Variants in EIF2AK2 observed in about 807,000 individuals in gnomAD.
The protein encoded by EIF2AK2 is interferon-induced, double-stranded RNA-activated protein kinase.
In EIF2AK2, 40 loss-of-function variants were observed where a neutral mutation model predicts 70.5. The observed-to-expected ratio is 0.57, with a 90% confidence interval of 0.44 to 0.74. The LOEUF (loss-of-function observed/expected upper bound fraction) is 0.74, where lower values mean the gene tolerates loss of function less well. EIF2AK2 is among the 30% of genes least tolerant of loss of function. The pLI, the probability that EIF2AK2 is intolerant of heterozygous loss-of-function variation, is 0.00. For missense variants in EIF2AK2, 555 were observed against 644.3 expected, an observed-to-expected ratio of 0.86 and a Z score of 1.50; for synonymous variants, 198 against 220.9, an observed-to-expected ratio of 0.90 and a Z score of 0.92.
At chr2:37,137,349 A>G (rs4648193) in intron 8 of EIF2AK2, among the ~76,000 whole-genome samples, 1 of 152,058 alleles carries the variant, frequency 6.6e-6, no homozygotes, top group African/African-American at 2.4e-5. Context: ...GCTGCTTGCC[A>G]TTTTCTTATT....
At chr2:37,119,252 C>T (rs922027613) in intron 13 of EIF2AK2, among the ~76,000 whole-genome samples, 2 of 152,146 alleles carry the variant, frequency 1.3e-5, no homozygotes, top group East Asian at 1.9e-4. Flanking sequence ...TTTCCCAGTC[C>T]GGGATTACCG....
chr2:37,120,508 CA>C (rs1355178517), intron 12 of EIF2AK2, among the ~76,000 whole-genome samples: 1 of 6,924 alleles, frequency 1.4e-4, no homozygotes, highest in Admixed American at 1.5e-3. Flanking sequence ...TTCCGTCTCA[CA>C]AAAAAAAAAA....
intron 12 of EIF2AK2, among the ~76,000 whole-genome samples, chr2:37,122,007 G>C (rs1415655096): frequency 6.6e-6 from 1 of 152,128 alleles, no homozygotes; most frequent in Non-Finnish European, 1.5e-5. Flanking sequence ...TCAGCTTGTG[G>C]TCTTAAAAAT....
At chr2:37,130,532 C>T (rs774556300) in intron 10 of EIF2AK2, among the ~76,000 whole-genome samples, 1 of 152,240 alleles carries the variant, frequency 6.6e-6, no homozygotes, top group Non-Finnish European at 1.5e-5. Context: ...TCTGTTTGTC[C>T]TGTTGTCCCA....
At chr2:37,139,861 C>T in intron 5 of EIF2AK2, 104 bp from the exon 6 acceptor site, 1 of 1,165,456 alleles carries the variant, frequency 8.6e-7, no homozygotes, top group South Asian at 1.6e-5. Flanking sequence ...TAAGATAACA[C>T]CAATTTATTA....
In EIF2AK2 at chr2:37,141,717, AT is replaced by A; in HGVS notation, c.241-17del. On this transcript the variant is annotated splice_polypyrimidine_tract_variant and intron_variant, in intron 4 of 16. Coordinates refer to ENST00000233057, the MANE Select transcript of EIF2AK2 (RefSeq NM_001135651.3). ...GACTAACTGCCTACAAAGAAAAAAA[AT>A]TCCTGTTTAATATAAATGACAACAA... 2 of 1,589,510 alleles carry A rather than the reference AT, an allele frequency of 1.3e-6. No individual in the cohort carries two copies. The highest frequency in any genetic ancestry group is 1.7e-6 in the Non-Finnish European group (2 of 1,171,372).
chr2:37,103,003 CTGTGTGTGTG>C lies in EIF2AK2; in HGVS notation c.*4260_*4269del. Reference sequence around the variant, plus strand: ...TATATTAAAATGGCTCTCAAAATTTCTGTGTGTGTGTGTGTGTGTGTGCATTTTAATTAGC... The same window carrying C: ...TATATTAAAATGGCTCTCAAAATTTCTGTGTGTGTGTGCATTTTAATTAGC... On this transcript the variant is annotated 3_prime_UTR_variant, in exon 17 of 17. Coordinates refer to ENST00000233057, the MANE Select transcript of EIF2AK2 (RefSeq NM_001135651.3). 6.7e-6 allele frequency: 1 copy of C among 149,052 alleles called. No individual in the cohort carries two copies. Among genetic ancestry groups the C allele is most frequent in the East Asian group, 2.0e-4 (1 of 5,040 alleles). The allele number at this position is 149,052 out of a possible 1,614,324, so 9.2% of individuals were successfully genotyped here.
At chr2:37,127,640 C>A (rs1457337270) in intron 10 of EIF2AK2, among the ~76,000 whole-genome samples, 1 of 152,124 alleles carries the variant, frequency 6.6e-6, no homozygotes, top group Non-Finnish European at 1.5e-5. Context: ...TCAGGCCTCC[C>A]CACAACTGTG....
At chr2:37,138,962 A>ATTTTT (rs536992086) in intron 6 of EIF2AK2, among the ~76,000 whole-genome samples, 1 of 140,804 alleles carries the variant, frequency 7.1e-6, no homozygotes, top group Admixed American at 7.1e-5. Flanking sequence ...CACCCGTCTA[A>ATTTTT]TTTTTTTTTT....
At chr2:37,107,639 A>G in intron 15 of EIF2AK2, 112 bp from the exon 16 acceptor site, 1 of 1,237,000 alleles carries the variant, frequency 8.1e-7, no homozygotes, top group South Asian at 1.4e-5. Context: ...TTTTTTGGGA[A>G]AGTCTCTTTA....
chr2:37,134,346 G>A (rs1675050475), intron 10 of EIF2AK2, among the ~76,000 whole-genome samples: 1 of 152,186 alleles, frequency 6.6e-6, no homozygotes, highest in East Asian at 1.9e-4. Flanking sequence ...GCCTCTGAGG[G>A]AAATTTCCGT....
At chr2:37,152,700 T>A (rs950091219) in intron 1 of EIF2AK2, among the ~76,000 whole-genome samples, 1 of 152,246 alleles carries the variant, frequency 6.6e-6, no homozygotes, top group East Asian at 1.9e-4. Flanking sequence ...GTCCATGATT[T>A]CAGTGATCAT....
At chr2:37,120,512 AAAAAAAAAAAAAAG>A (rs1195141825) in intron 12 of EIF2AK2, among the ~76,000 whole-genome samples, 2 of 96,406 alleles carry the variant, frequency 2.1e-5, no homozygotes, top group Admixed American at 1.1e-4. Context: ...GTCTCACAAA[AAAAAAAAAAAAAAG>A]AAAAAAAAAG....
In EIF2AK2 at chr2:37,114,701, A is replaced by G. The variant is rs749440673; in HGVS notation, c.1377+30T>C. The G allele has an allele frequency of 2.7e-6, 4 of 1,499,588 alleles. No individual in the cohort carries two copies. In the Admixed American group the frequency reaches 9.7e-5, roughly 36 times the overall value. 92.9% of individuals were successfully genotyped at this position (1,499,588 alleles called of 1,614,324 possible). A position where few individuals can be genotyped will look rare whatever the true frequency, so the allele number is the denominator to read the frequency against. ...TATAATTTTCAAAATAAAAGAAGTAAAATATAGACAGACAGGAAAGAGACC... is the reference window on the plus strand; with the variant it reads ...TATAATTTTCAAAATAAAAGAAGTAGAATATAGACAGACAGGAAAGAGACC... On this transcript the variant is annotated intron_variant, in intron 14 of 16. Coordinates refer to ENST00000233057, the MANE Select transcript of EIF2AK2 (RefSeq NM_001135651.3).
intron 14 of EIF2AK2, among the ~76,000 whole-genome samples, chr2:37,111,462 C>T (rs1293663431): frequency 2.0e-5 from 3 of 148,570 alleles, no homozygotes; most frequent in South Asian, 2.1e-4. Flanking sequence ...TGCAATGGCG[C>T]GATCTCAGCT....
intron 10 of EIF2AK2, among the ~76,000 whole-genome samples, chr2:37,129,740 A>T (rs976455909): frequency 2.6e-5 from 4 of 152,062 alleles, no homozygotes; most frequent in Admixed American, 1.3e-4. Context: ...AGTCACCCTC[A>T]CTCACTCTTT....
intron 14 of EIF2AK2, among the ~76,000 whole-genome samples, chr2:37,114,450 C>A (rs1487670007): frequency 6.6e-6 from 1 of 151,914 alleles, no homozygotes; most frequent in East Asian, 1.9e-4. Flanking sequence ...GCTATATAGT[C>A]ACAAAATAAC....
intron 10 of EIF2AK2, among the ~76,000 whole-genome samples, 164 bp downstream of exon 10, chr2:37,135,320 G>C (rs1025838472): frequency 6.6e-6 from 1 of 152,090 alleles, no homozygotes; most frequent in Non-Finnish European, 1.5e-5. Context: ...CCATTCCTGG[G>C]CCCCCTCTTA....
intron 4 of EIF2AK2, among the ~76,000 whole-genome samples, chr2:37,144,530 T>C (rs1675456266): frequency 6.6e-6 from 1 of 152,008 alleles, no homozygotes; most frequent in African/African-American, 2.4e-5. Flanking sequence ...ATGTAGATGA[T>C]CCTGACGCTG....
Sources: gnomAD v4.1 joint callset for allele counts (sites outside exome capture counted in the v4.1 genomes callset) on GRCh38, gnomAD v4.1.1 for gene constraint, MANE v1.5 for transcripts, NCBI Gene and HGNC (gene_info 2026-07-23, HGNC 2026-07-21) for gene names.